The following FANCC variants were observed in gnomAD, a reference collection of about 807,000 sequenced individuals.
FANCC encodes Fanconi anemia group C protein.
A neutral mutation model predicts 71.3 loss-of-function variants in FANCC; 55 were observed. That is an observed-to-expected ratio of 0.77 (90% confidence interval 0.62 to 0.97). The LOEUF (loss-of-function observed/expected upper bound fraction) is 0.97, where lower values mean the gene tolerates loss of function less well. Ranked by LOEUF, FANCC falls within the 50% of genes least tolerant of loss-of-function variation. The pLI, the probability that FANCC is intolerant of heterozygous loss-of-function variation, is 0.00. For missense variants in FANCC, 678 were observed against 670.9 expected, an observed-to-expected ratio of 1.01 and a Z score of -0.12; for synonymous variants, 275 against 244.9, an observed-to-expected ratio of 1.12 and a Z score of -1.15.
At chr9:95,248,053 G>T (rs979834853) in intron 2 of FANCC, among the ~76,000 whole-genome samples, 10 of 152,164 alleles carry the variant, frequency 6.6e-5, no homozygotes, top group African/African-American at 2.4e-4. Flanking sequence ...ACTATTTTGA[G>T]TACTGTATGG....
intron 4 of FANCC, among the ~76,000 whole-genome samples, chr9:95,172,410 A>AT (rs1477088005): frequency 6.6e-6 from 1 of 152,212 alleles, no homozygotes; most frequent in Admixed American, 6.5e-5. Context: ...TGCTTTACCT[A>AT]TATTAAGAAT....
intron 4 of FANCC, among the ~76,000 whole-genome samples, chr9:95,227,856 A>G (rs902698138): frequency 6.6e-6 from 1 of 152,124 alleles, no homozygotes; most frequent in African/African-American, 2.4e-5. Flanking sequence ...CTCTCTGCCT[A>G]CACCTCAAAT....
chr9:95,257,470 T>C (rs1320908196), intron 1 of FANCC, among the ~76,000 whole-genome samples: 2 of 152,180 alleles, frequency 1.3e-5, no homozygotes, highest in East Asian at 3.9e-4. Flanking sequence ...ATAAAGAAGT[T>C]ATTTGAAACC....
At position 95,181,204 on chromosome 9, in the gene FANCC, A is replaced by G. The variant is rs146622929; in HGVS notation, c.346-9057T>C. On this transcript the variant is annotated intron_variant, in intron 4 of 14. Coordinates refer to ENST00000289081, the MANE Select transcript of FANCC (RefSeq NM_000136.3). ...GTGTGTGTGTGTATGAAACAAAATT[A>G]CATATTTTAATTTACGTTTTTCCAT... Among the ~76,000 whole-genome samples the G allele has an allele frequency of 3.4e-3, 517 of 151,606 alleles. 3 individuals are homozygous for G. Among genetic ancestry groups the G allele is most frequent in the Non-Finnish European group, 4.7e-3 (321 of 67,864 alleles).
chr9:95,168,299 A>G (rs912324042), intron 6 of FANCC, among the ~76,000 whole-genome samples: 6 of 152,208 alleles, frequency 3.9e-5, no homozygotes, highest in African/African-American at 1.4e-4. Flanking sequence ...TCATGAGCTA[A>G]GTGCTTCCTC....
chr9:95,136,196 G>A (rs1033982516), intron 7 of FANCC, among the ~76,000 whole-genome samples: 3 of 151,994 alleles, frequency 2.0e-5, no homozygotes, highest in Non-Finnish European at 4.4e-5. Context: ...TTCAAGACCA[G>A]CCTGGTCAAA....
At chr9:95,204,824 C>T (rs905859099) in intron 4 of FANCC, among the ~76,000 whole-genome samples, 3 of 152,114 alleles carry the variant, frequency 2.0e-5, no homozygotes, top group African/African-American at 7.2e-5. Flanking sequence ...TCTGGAGTTC[C>T]AATCTCCTCT....
chr9:95,276,682 C>A (rs1336885092), intron 1 of FANCC, among the ~76,000 whole-genome samples: 1 of 152,226 alleles, frequency 6.6e-6, no homozygotes, highest in Admixed American at 6.5e-5. Context: ...CTTTTGCCTA[C>A]TAACTGTGGT....
intron 1 of FANCC, among the ~76,000 whole-genome samples, chr9:95,262,211 G>T (rs1832093407): frequency 2.0e-5 from 3 of 151,974 alleles, no homozygotes; most frequent in Admixed American, 2.0e-4. Flanking sequence ...CCTCATTTTG[G>T]TGAATTCTAT....
At chr9:95,254,443 G>A (rs1387202950) in intron 1 of FANCC, among the ~76,000 whole-genome samples, 1 of 152,202 alleles carries the variant, frequency 6.6e-6, no homozygotes, top group Non-Finnish European at 1.5e-5. Flanking sequence ...CAGAAGCCAG[G>A]TGGGGTGTCA....
intron 4 of FANCC, among the ~76,000 whole-genome samples, chr9:95,183,364 C>T (rs537197893): frequency 6.6e-6 from 1 of 152,234 alleles, no homozygotes; most frequent in Non-Finnish European, 1.5e-5. Flanking sequence ...GGCACTGCCT[C>T]GCTGTCCTTC....
intron 1 of FANCC, among the ~76,000 whole-genome samples, chr9:95,256,512 T>C (rs2136141652): frequency 6.6e-6 from 1 of 152,290 alleles, no homozygotes; most frequent in East Asian, 1.9e-4. Flanking sequence ...CCACCAGGCC[T>C]GCCTTACAAG....
At chr9:95,187,093 G>A (rs1162813067) in intron 4 of FANCC, among the ~76,000 whole-genome samples, 2 of 151,914 alleles carry the variant, frequency 1.3e-5, no homozygotes, top group South Asian at 2.1e-4. Flanking sequence ...TTTTAAAAAC[G>A]GTGTTAGGTC....
chr9:95,247,764 T>C (rs1831081754), intron 2 of FANCC, among the ~76,000 whole-genome samples: 1 of 152,192 alleles, frequency 6.6e-6, no homozygotes, highest in African/African-American at 2.4e-5. Context: ...TAAAATCAAT[T>C]GTGTTGCAAA....
intron 1 of FANCC, among the ~76,000 whole-genome samples, chr9:95,260,729 A>G (rs1831990694): frequency 1.3e-5 from 2 of 152,118 alleles, no homozygotes; most frequent in Admixed American, 6.5e-5. Context: ...TACCATAAAG[A>G]CATCACCCCA....
chr9:95,185,522 C>G (rs1469263771), intron 4 of FANCC, among the ~76,000 whole-genome samples: 3 of 152,184 alleles, frequency 2.0e-5, no homozygotes, highest in African/African-American at 4.8e-5. Flanking sequence ...AGTAAATTAA[C>G]CTAAGCAGTG....
intron 4 of FANCC, among the ~76,000 whole-genome samples, chr9:95,180,313 T>C (rs966893733): frequency 6.7e-6 from 1 of 148,568 alleles, no homozygotes; most frequent in African/African-American, 2.5e-5. Context: ...CTGAAGGACC[T>C]GCCTAAAGCT....
chr9:95,294,324 G>C, intron 1 of FANCC: 4 of 1,588,198 alleles, frequency 2.5e-6, no homozygotes, highest in Non-Finnish European at 3.5e-6. Context: ...TGAACACTGA[G>C]CCAGTCTTGG....
Position 95,244,758 on chromosome 9 carries a change from G to C in FANCC, c.250+2674C>G, listed in dbSNP as rs184110456. On this transcript the variant is annotated intron_variant, in intron 3 of 14. Transcript: ENST00000289081. ...CTGCTGAATTAATATGTATGTGCAA[G>C]TGAAGCTGGCTAGTGGGAATGCCAA... Among the ~76,000 whole-genome samples the C allele has an allele frequency of 1.1e-4, 15 of 142,282 alleles. No individual in the cohort carries two copies. In the East Asian group the frequency reaches 3.2e-3, roughly 30 times the overall value. 93.3% of individuals were successfully genotyped at this position (142,282 alleles called of 152,430 possible).
Sources: gnomAD v4.1 joint callset for allele counts (sites outside exome capture counted in the v4.1 genomes callset) on GRCh38, gnomAD v4.1.1 for gene constraint, MANE v1.5 for transcripts, NCBI Gene and HGNC (gene_info 2026-07-23, HGNC 2026-07-21) for gene names.